IGSF11: variants seen among roughly 807,000 people sequenced by gnomAD.
IGSF11 encodes the protein immunoglobulin superfamily member 11.
Under a neutral mutation model 41.0 loss-of-function variants are expected in IGSF11, and 22 were observed. The observed-to-expected ratio is 0.54, with a 90% CI of 0.38 to 0.77. The LOEUF is 0.77. Among genes scored for constraint, IGSF11 ranks in the 30% least tolerant of loss-of-function variants. IGSF11 has a pLI of 0.00. For synonymous variants in IGSF11, 219 were observed against 201.3 expected (o/e 1.09, Z -0.74); for missense variants, 444 against 530.8 (o/e 0.84, Z 1.61).
chr3:119,049,239 C>G (rs1941507963), intron 1 of IGSF11, among the ~76,000 whole-genome samples: 1 of 151,194 alleles, frequency 6.6e-6, no homozygotes, highest in South Asian at 2.1e-4. Context: ...GATTGTATAT[C>G]TAGAAAACCC....
chr3:119,130,453 T>C (rs2077466293), intron 1 of IGSF11, among the ~76,000 whole-genome samples: 1 of 152,196 alleles, frequency 6.6e-6, no homozygotes, highest in South Asian at 2.1e-4. Flanking sequence ...CCTTGCTCAC[T>C]GCTAGCGCAG....
intron 1 of IGSF11, among the ~76,000 whole-genome samples, chr3:119,074,908 C>T (rs2076467354): frequency 6.6e-6 from 1 of 151,920 alleles, no homozygotes; most frequent in Admixed American, 6.6e-5. Flanking sequence ...ATTAACCTAA[C>T]ATCAGACCTA....
At chr3:119,092,839 C>A (rs540866671) in intron 1 of IGSF11, among the ~76,000 whole-genome samples, 1 of 152,220 alleles carries the variant, frequency 6.6e-6, no homozygotes, top group African/African-American at 2.4e-5. Context: ...CTAATACTTA[C>A]CATTCTGATA....
At chr3:118,952,178 C>G (rs1000376676) in intron 1 of IGSF11, among the ~76,000 whole-genome samples, 2 of 152,154 alleles carry the variant, frequency 1.3e-5, no homozygotes, top group East Asian at 3.9e-4. Context: ...TAACGATCAT[C>G]TGAGCCTTCA....
intron 1 of IGSF11, among the ~76,000 whole-genome samples, chr3:119,074,711 G>A (rs1181464773): frequency 6.6e-6 from 1 of 151,888 alleles, no homozygotes; most frequent in Non-Finnish European, 1.5e-5. Context: ...AATTAGCCGG[G>A]CATGGTGGCA....
chr3:118,975,670 T>C (rs1304638059), intron 1 of IGSF11, among the ~76,000 whole-genome samples: 1 of 152,178 alleles, frequency 6.6e-6, no homozygotes, highest in South Asian at 2.1e-4. Context: ...ACATACACCA[T>C]GGAATACTAT....
chr3:119,009,113 T>C (rs1012319783), intron 1 of IGSF11, among the ~76,000 whole-genome samples: 1 of 152,270 alleles, frequency 6.6e-6, no homozygotes, highest in African/African-American at 2.4e-5. Flanking sequence ...ATACACCATC[T>C]GAGCATGAAA....
intron 4 of IGSF11, among the ~76,000 whole-genome samples, chr3:118,915,606 T>G (rs1471005469): frequency 5.0e-5 from 1 of 19,998 alleles, no homozygotes; most frequent in Non-Finnish European, 8.1e-5. Flanking sequence ...TGGGACTATG[T>G]GAAAAGACCA....
In IGSF11 at chr3:119,123,823, G is replaced by A. The variant is rs2077365269; in HGVS notation, c.-13-18618C>T. 2.0e-5 allele frequency among the ~76,000 whole-genome samples: 3 copies of A among 152,230 alleles called. No homozygotes were observed. In the South Asian group the frequency reaches 6.2e-4, roughly 32 times the overall value. On this transcript the variant is annotated intron_variant, in intron 1 of 7. Coordinates refer to the IGSF11 transcript ENST00000425327. ...TACTGAGCTCAAGGTGCCCCCTAAT[G>A]TAGATATGGCTTAGGTCATAGTACC...
chr3:119,017,009 A>C (rs2107705076), intron 1 of IGSF11, among the ~76,000 whole-genome samples: 1 of 150,840 alleles, frequency 6.6e-6, no homozygotes, highest in Middle Eastern at 3.4e-3. Context: ...ATATGGGCTA[A>C]AGCATGAGCA....
chr3:118,922,288 A>T (rs770061916), intron 4 of IGSF11, among the ~76,000 whole-genome samples: 1 of 152,124 alleles, frequency 6.6e-6, no homozygotes, highest in Non-Finnish European at 1.5e-5. Context: ...GCTTTATTGA[A>T]GCACAATTGA....
At chr3:118,944,844 A>G (rs2107566679) in intron 1 of IGSF11, 1 of 152,306 alleles carries the variant, frequency 6.6e-6, no homozygotes, top group South Asian at 2.1e-4. Context: ...TGATATGATT[A>G]TTAATCGTAT....
At chr3:118,968,248 T>A (rs532834413) in intron 1 of IGSF11, among the ~76,000 whole-genome samples, 1 of 152,172 alleles carries the variant, frequency 6.6e-6, no homozygotes, top group Non-Finnish European at 1.5e-5. Flanking sequence ...TAGGGGAAGG[T>A]GCTGAACGAG....
intron 1 of IGSF11, among the ~76,000 whole-genome samples, chr3:119,073,139 T>C (rs151286820): frequency 0.027 from 4,068 of 152,260 alleles, 167 homozygotes; most frequent in African/African-American, 0.093. Flanking sequence ...AGAGTGCTGA[T>C]TGGTGTATTT....
intron 1 of IGSF11, among the ~76,000 whole-genome samples, chr3:119,072,151 G>T (rs75329687): frequency 6.6e-6 from 1 of 152,066 alleles, no homozygotes; most frequent in Non-Finnish European, 1.5e-5. Context: ...CTTTGTTTCC[G>T]TACAGTAAGT....
At chr3:118,938,365 C>T (rs1420178302) in intron 1 of IGSF11, among the ~76,000 whole-genome samples, 1 of 152,194 alleles carries the variant, frequency 6.6e-6, no homozygotes, top group African/African-American at 2.4e-5. Flanking sequence ...AAAGCAGGAG[C>T]TTTCCACACT....
chr3:118,966,402 CT>C (rs914285492), intron 1 of IGSF11, among the ~76,000 whole-genome samples: 1 of 152,086 alleles, frequency 6.6e-6, no homozygotes, highest in Non-Finnish European at 1.5e-5. Flanking sequence ...CTCCATGTTG[CT>C]TTTTTTCTAC....
chr3:119,028,958 T>C (rs956285663), intron 1 of IGSF11, among the ~76,000 whole-genome samples: 1 of 152,072 alleles, frequency 6.6e-6, no homozygotes, highest in African/African-American at 2.4e-5. Context: ...CAGGGGAGGC[T>C]GAGTGAAGGG....
chr3:119,058,164 A>G (rs1261231753), intron 1 of IGSF11, among the ~76,000 whole-genome samples: 6 of 152,316 alleles, frequency 3.9e-5, no homozygotes, highest in South Asian at 2.1e-4. Context: ...AGCAAAAGAA[A>G]CTACCATCAG....
Sources: allele counts gnomAD v4.1 joint callset (sites outside exome capture counted in the v4.1 genomes callset), GRCh38; gene constraint gnomAD v4.1.1; transcripts MANE v1.5; gene names NCBI Gene and HGNC (gene_info 2026-07-23, HGNC 2026-07-21).